PTPRD: variants seen among roughly 807,000 people sequenced by gnomAD.
The protein encoded by PTPRD is protein tyrosine phosphatase receptor type D.
A neutral mutation model predicts 214.5 loss-of-function variants in PTPRD; 34 were observed. The ratio of observed to expected loss-of-function variants is 0.16; its 90% CI spans 0.12 to 0.21. The LOEUF is 0.21. PTPRD is among the 10% of genes least tolerant of loss of function. The pLI is 1.00. For missense variants in PTPRD, 2,545 were observed against 2,398.7 expected, an observed-to-expected ratio of 1.06 and a Z score of -1.27; for synonymous variants, 1,128 against 845.7, an observed-to-expected ratio of 1.33 and a Z score of -5.79.
chr9:10,344,912 T>G (rs1385935370), intron 2 of PTPRD, among the ~76,000 whole-genome samples: 1 of 152,190 alleles, frequency 6.6e-6, no homozygotes, highest in Non-Finnish European at 1.5e-5. Context: ...TTGCTTTCTC[T>G]GTTGTCTCAT....
intron 26 of PTPRD, among the ~76,000 whole-genome samples, chr9:8,496,171 AACACACACACAC>A (rs566859758): frequency 2.6e-4 from 35 of 135,096 alleles, no homozygotes; most frequent in African/African-American, 7.1e-4. Flanking sequence ...CCAACTCTCC[AACACACACACAC>A]ACACACACAC....
intron 3 of PTPRD, among the ~76,000 whole-genome samples, chr9:10,055,223 A>T (rs1567358351): frequency 6.6e-6 from 1 of 152,126 alleles, no homozygotes; most frequent in Non-Finnish European, 1.5e-5. Flanking sequence ...ATACATGCTG[A>T]CCAAGACACT....
At chr9:9,744,556 G>T (rs573817438) in intron 6 of PTPRD, among the ~76,000 whole-genome samples, 1 of 151,964 alleles carries the variant, frequency 6.6e-6, no homozygotes, top group South Asian at 2.1e-4. Flanking sequence ...CTTTGCTATT[G>T]TAGCAATGTC....
intron 10 of PTPRD, among the ~76,000 whole-genome samples, chr9:9,142,965 C>G (rs1321232077): frequency 6.6e-6 from 1 of 152,030 alleles, no homozygotes; most frequent in Non-Finnish European, 1.5e-5. Flanking sequence ...GCCAAAGACC[C>G]TACCTGTACC....
intron 3 of PTPRD, among the ~76,000 whole-genome samples, chr9:10,326,534 G>A (rs1293801394): frequency 1.3e-5 from 2 of 151,298 alleles, no homozygotes; most frequent in Non-Finnish European, 3.0e-5. Context: ...TAAATCTCTG[G>A]TCCATTATAG....
At chr9:8,670,361 T>C (rs569148618) in intron 12 of PTPRD, among the ~76,000 whole-genome samples, 1 of 152,274 alleles carries the variant, frequency 6.6e-6, no homozygotes, top group South Asian at 2.1e-4. Context: ...CTCTGTGTAT[T>C]ACATCCATTA....
At chr9:8,542,591 A>G (rs921969156) in intron 14 of PTPRD, among the ~76,000 whole-genome samples, 1 of 152,222 alleles carries the variant, frequency 6.6e-6, no homozygotes, top group Non-Finnish European at 1.5e-5. Context: ...TGAGGCACTC[A>G]TGAAACAGTA....
At chr9:8,984,834 CAT>C in intron 11 of PTPRD, among the ~76,000 whole-genome samples, 1 of 152,174 alleles carries the variant, frequency 6.6e-6, no homozygotes, top group African/African-American at 2.4e-5. Flanking sequence ...ATGTGGGAAT[CAT>C]ATATTACATA....
In PTPRD at chr9:9,954,297, C is replaced by CAAAAAAAAAAAA. The variant is rs781628679; in HGVS notation, c.-471-15699_-471-15688dup. On this transcript the variant is annotated intron_variant, in intron 4 of 45. Coordinates refer to ENST00000381196, the MANE Select transcript of PTPRD (RefSeq NM_002839.4). ...GACAGATTGAGACTCTGTCTCAAAA[C>CAAAAAAAAAAAA]AAAAAAAAAAAAAAAAAAAAAAAAA... 9.3e-5 allele frequency among the ~76,000 whole-genome samples: 5 copies of CAAAAAAAAAAAA among 53,746 alleles called. 2 individuals carry two copies. The highest frequency in any genetic ancestry group is 1.8e-4 in the Non-Finnish European group (4 of 22,462). 35.3% of individuals were successfully genotyped at this position (53,746 alleles called of 152,430 possible).
At chr9:10,564,369 C>G (rs2065006512) in intron 2 of PTPRD, among the ~76,000 whole-genome samples, 1 of 150,624 alleles carries the variant, frequency 6.6e-6, no homozygotes, top group South Asian at 2.1e-4. Context: ...TATATTTTCC[C>G]TGATTTCTTC....
chr9:9,781,799 T>A (rs571899060), intron 5 of PTPRD, among the ~76,000 whole-genome samples: 50 of 148,206 alleles, frequency 3.4e-4, no homozygotes, highest in Middle Eastern at 3.4e-3. Context: ...GGACTCATAT[T>A]TTTTTTTTTT....
chr9:8,648,684 T>C (rs2096744769), intron 12 of PTPRD, among the ~76,000 whole-genome samples: 1 of 152,310 alleles, frequency 6.6e-6, no homozygotes, highest in Non-Finnish European at 1.5e-5. Flanking sequence ...AGTTATGCAT[T>C]ACATACAATC....
chr9:9,696,120 G>T (rs1056982965), intron 7 of PTPRD, among the ~76,000 whole-genome samples: 5 of 151,984 alleles, frequency 3.3e-5, no homozygotes, highest in African/African-American at 1.2e-4. Context: ...TCATCCTTTA[G>T]TAAGTTATAT....
At chr9:9,839,619 C>T (rs560880833) in intron 5 of PTPRD, among the ~76,000 whole-genome samples, 8 of 151,930 alleles carry the variant, frequency 5.3e-5, no homozygotes, top group Admixed American at 3.3e-4. Flanking sequence ...TGAAAATGGC[C>T]ATACTGCCCA....
intron 11 of PTPRD, among the ~76,000 whole-genome samples, chr9:8,994,287 G>A (rs1008275374): frequency 2.6e-5 from 4 of 152,088 alleles, no homozygotes; most frequent in Non-Finnish European, 4.4e-5. Context: ...GAATGACATG[G>A]TCAGCTTCTC....
At chr9:9,430,830 TG>T (rs1202104439) in intron 8 of PTPRD, among the ~76,000 whole-genome samples, 1 of 152,212 alleles carries the variant, frequency 6.6e-6, no homozygotes, top group African/African-American at 2.4e-5. Context: ...TAAATGGTTC[TG>T]GGAAAACTGG....
At chr9:10,013,057 G>C (rs1236030122) in intron 4 of PTPRD, among the ~76,000 whole-genome samples, 1 of 151,934 alleles carries the variant, frequency 6.6e-6, no homozygotes, top group East Asian at 1.9e-4. Context: ...GAAACGAGAA[G>C]TGGCAAATCA....
intron 2 of PTPRD, among the ~76,000 whole-genome samples, chr9:10,610,852 G>C (rs1468620760): frequency 6.6e-6 from 1 of 151,994 alleles, no homozygotes; most frequent in South Asian, 2.1e-4. Flanking sequence ...TCAACACTGA[G>C]TAATCAAAAC....
intron 14 of PTPRD, among the ~76,000 whole-genome samples, chr9:8,610,596 T>A (rs138239063): frequency 5.3e-5 from 8 of 152,270 alleles, no homozygotes; most frequent in Admixed American, 1.3e-4. Context: ...GCTGCGAAAG[T>A]CAAGGAGTGG....
Sources: gnomAD v4.1 joint callset for allele counts (sites outside exome capture counted in the v4.1 genomes callset) on GRCh38, gnomAD v4.1.1 for gene constraint, MANE v1.5 for transcripts, NCBI Gene and HGNC (gene_info 2026-07-23, HGNC 2026-07-21) for gene names.